Variants in PRKD3 observed in about 807,000 individuals in gnomAD.
PRKD3 encodes the protein protein kinase D3, also known as serine/threonine-protein kinase D3.
In PRKD3, 47 loss-of-function variants were observed where a neutral mutation model predicts 99.2. That is an observed-to-expected ratio of 0.47 (90% CI 0.38 to 0.60). The LOEUF is 0.60. Ranked by LOEUF, PRKD3 falls within the 20% of genes least tolerant of loss-of-function variation. The probability of loss-of-function intolerance (pLI) is 0.00; values close to 1 mark genes in which losing one functional copy is unlikely to be tolerated. For missense variants in PRKD3, 1,019 were observed against 1,088.4 expected, an observed-to-expected ratio of 0.94 and a Z score of 0.90; for synonymous variants, 392 against 355.4, an observed-to-expected ratio of 1.10 and a Z score of -1.16.
At chr2:37,265,632 A>G (rs1435379923) in intron 14 of PRKD3, among the ~76,000 whole-genome samples, 5 of 152,174 alleles carry the variant, frequency 3.3e-5, no homozygotes, top group African/African-American at 1.2e-4. Flanking sequence ...AAAGTACTTA[A>G]GTATAAATGC....
Position 37,316,450 on chromosome 2 carries a change from A to G in PRKD3, c.75T>C (p.Ala25=), listed in dbSNP as rs55698418. 0.031 allele frequency: 50,215 copies of G among 1,614,252 alleles called. 915 individuals are homozygous for G. Among genetic ancestry groups the G allele is most frequent in the South Asian group, 0.038 (3,487 of 91,088 alleles). ...TCTTAGGACTTGAACACGGAGAAGC[A>G]GCTGGAAGCACAGCAGGAATAGCTG... The part of the protein sequence containing the change: ...LPTAIPAVLP[A]ASPCSSPKTG... The change falls in exon 2 of 19, where the codon GCT becomes GCC. Residue 25 remains alanine (A), a synonymous_variant. Transcript: ENST00000234179.
chr2:37,290,762 G>C, intron 4 of PRKD3, 106 bp downstream of exon 4: 1 of 1,264,544 alleles, frequency 7.9e-7, no homozygotes, highest in South Asian at 1.5e-5. Flanking sequence ...CTAAATCCTC[G>C]TTACCACCCT....
At chr2:37,262,247 C>A (rs1366915013) in intron 14 of PRKD3, among the ~76,000 whole-genome samples, 1 of 152,128 alleles carries the variant, frequency 6.6e-6, no homozygotes, top group Non-Finnish European at 1.5e-5. Context: ...TAAGATGTTT[C>A]TTGAAGCCTT....
At chr2:37,261,541 G>A (rs1045997342) in intron 14 of PRKD3, among the ~76,000 whole-genome samples, 4 of 151,828 alleles carry the variant, frequency 2.6e-5, no homozygotes, top group Non-Finnish European at 4.4e-5. Flanking sequence ...AACATTTTGC[G>A]AGGCCAAGGC....
intron 12 of PRKD3, among the ~76,000 whole-genome samples, chr2:37,271,307 C>T (rs1283301025): frequency 6.6e-6 from 1 of 151,840 alleles, no homozygotes; most frequent in East Asian, 1.9e-4. Flanking sequence ...TGTATGGCCC[C>T]GATCTAAAAA....
At chr2:37,312,704 G>A (rs960437034) in intron 2 of PRKD3, among the ~76,000 whole-genome samples, 1 of 152,152 alleles carries the variant, frequency 6.6e-6, no homozygotes, top group Non-Finnish European at 1.5e-5. Context: ...TCAGGTATAA[G>A]TAACAGCGCT....
intron 14 of PRKD3, among the ~76,000 whole-genome samples, chr2:37,261,351 G>C (rs1668428853): frequency 6.6e-6 from 1 of 152,128 alleles, no homozygotes; most frequent in Non-Finnish European, 1.5e-5. Context: ...ACCAGGTGTG[G>C]TGACAGGTAT....
At chr2:37,268,330 AG>A in intron 13 of PRKD3, 1 of 471,152 alleles carries the variant, frequency 2.1e-6, no homozygotes, top group Non-Finnish European at 4.4e-6. Flanking sequence ...CTCTGATGAC[AG>A]GAAGTCCTCC....
At chr2:37,293,372 C>G (rs1670536581) in intron 2 of PRKD3, 101 bp from the exon 3 acceptor site, 1 of 1,142,864 alleles carries the variant, frequency 8.7e-7, no homozygotes, top group Non-Finnish European at 1.2e-6. Flanking sequence ...TGTTTTTAAC[C>G]TAACACTATT....
At chr2:37,278,100 A>G (rs1669662696) in intron 8 of PRKD3, 111 bp from the exon 9 acceptor site, 1 of 825,124 alleles carries the variant, frequency 1.2e-6, no homozygotes, top group African/African-American at 1.8e-5. Flanking sequence ...TTTTCAAAAT[A>G]TCTTAGTAAA....
At chr2:37,257,666 C>CAAAAA (rs1491483662) in intron 16 of PRKD3, among the ~76,000 whole-genome samples, 6 of 62,434 alleles carry the variant, frequency 9.6e-5, no homozygotes, top group Admixed American at 7.2e-4. Context: ...GACTCTGTCT[C>CAAAAA]AAAAGAAAAA....
chr2:37,304,643 G>A (rs1053386158), intron 2 of PRKD3, among the ~76,000 whole-genome samples: 3 of 151,782 alleles, frequency 2.0e-5, no homozygotes, highest in African/African-American at 7.3e-5. Flanking sequence ...TTGGGAGGCT[G>A]GGGCAGGAGA....
intron 2 of PRKD3, among the ~76,000 whole-genome samples, chr2:37,304,255 A>C (rs1195858626): frequency 2.0e-5 from 3 of 151,992 alleles, no homozygotes; most frequent in Non-Finnish European, 4.4e-5. Flanking sequence ...AGCACTAATA[A>C]ATTACACAGA....
chr2:37,279,274 T>G (rs1669724116), intron 8 of PRKD3: 1 of 152,366 alleles, frequency 6.6e-6, no homozygotes, highest in South Asian at 2.1e-4. Flanking sequence ...TACAAAATGC[T>G]AATAGTCGGA....
At chr2:37,275,635 A>T in intron 10 of PRKD3, 132 bp downstream of exon 10, 2 of 970,556 alleles carry the variant, frequency 2.1e-6, no homozygotes, top group Non-Finnish European at 2.7e-6. Flanking sequence ...TTCAACAAGG[A>T]ACCTAACAGT....
intron 7 of PRKD3, 91 bp from the exon 8 acceptor site, chr2:37,280,020 G>T: frequency 3.9e-6 from 3 of 767,190 alleles, no homozygotes; most frequent in Non-Finnish European, 6.0e-6. Context: ...TAAAATGTAA[G>T]AAAATATCTT....
At chr2:37,310,401 G>A (rs1671375349) in intron 2 of PRKD3, among the ~76,000 whole-genome samples, 1 of 152,108 alleles carries the variant, frequency 6.6e-6, no homozygotes, top group Non-Finnish European at 1.5e-5. Context: ...AGAGATGAGT[G>A]CTACTTTTAA....
rs977740385 is a variant in PRKD3, at chr2:37,282,744, C to T, written c.911-125G>A. The T allele has an allele frequency of 2.0e-5, 14 of 704,862 alleles. No homozygotes were observed. The African/African-American group carries it at 2.3e-4, about 12-fold the overall frequency. 43.7% of individuals were successfully genotyped at this position (704,862 alleles called of 1,614,324 possible). Reference sequence around the variant, plus strand: ...GTAATGATGATATTAAAATAATAACCACCTACAAGTCACTTTAGCACCCCT... The same window carrying T: ...GTAATGATGATATTAAAATAATAACTACCTACAAGTCACTTTAGCACCCCT... On this transcript the variant is annotated intron_variant, in intron 6 of 18. Coordinates refer to ENST00000234179, the MANE Select transcript of PRKD3 (RefSeq NM_005813.6).
In PRKD3 at chr2:37,317,146, G is replaced by A. The variant is rs1396519747; in HGVS notation, c.-622C>T. The A allele has an allele frequency of 3.0e-6, 3 of 984,924 alleles. No individual in the cohort carries two copies. The highest frequency in any genetic ancestry group is 1.7e-5 in the African/African-American group (1 of 57,296). The allele number at this position is 984,924 out of a possible 1,614,324, so 61.0% of individuals were successfully genotyped here. A position where few individuals can be genotyped will look rare whatever the true frequency, so the allele number is the denominator to read the frequency against. ...ATTTCATTAGATGAATGGGTCCATC[G>A]AGAAAAGCTGATGCTTTCTGACATA... is the stretch of plus-strand genomic sequence containing the variant. On this transcript the variant is annotated 5_prime_UTR_variant, in exon 2 of 19. The change creates a premature stop within an existing upstream ORF in the 5' untranslated region. Coordinates refer to ENST00000234179, the MANE Select transcript of PRKD3 (RefSeq NM_005813.6).
Sources: gnomAD v4.1 joint callset for allele counts (sites outside exome capture counted in the v4.1 genomes callset) on GRCh38, gnomAD v4.1.1 for gene constraint, MANE v1.5 for transcripts, NCBI Gene and HGNC (gene_info 2026-07-23, HGNC 2026-07-21) for gene names.